MMP16: variants seen among roughly 807,000 people sequenced by gnomAD.
MMP16 encodes the protein matrix metalloproteinase-16.
Under a neutral mutation model 67.8 loss-of-function variants are expected in MMP16, and 12 were observed. That is an observed-to-expected ratio of 0.18 (90% CI 0.11 to 0.29). The LOEUF is 0.29. Among genes scored for constraint, MMP16 ranks in the 10% least tolerant of loss-of-function variants. The pLI is 1.00. For missense variants in MMP16, 475 were observed against 765.7 expected (o/e 0.62, Z 4.48); for synonymous variants, 249 against 255.9 (o/e 0.97, Z 0.26).
intron 6 of MMP16, among the ~76,000 whole-genome samples, chr8:88,103,347 A>G (rs1809176867): frequency 6.6e-6 from 1 of 151,852 alleles, no homozygotes; most frequent in South Asian, 2.1e-4. Flanking sequence ...GGAAAGAATA[A>G]GAGTGGCTTG....
intron 1 of MMP16, among the ~76,000 whole-genome samples, chr8:88,229,125 A>T (rs1289014701): frequency 1.3e-4 from 20 of 152,088 alleles, no homozygotes; most frequent in Admixed American, 1.3e-3. Context: ...ATATGGTTAC[A>T]ATGATGGAAA....
intron 6 of MMP16, among the ~76,000 whole-genome samples, chr8:88,086,993 C>CA (rs1808844796): frequency 6.6e-6 from 1 of 151,740 alleles, no homozygotes; most frequent in South Asian, 2.1e-4. Context: ...GAGAGATCAG[C>CA]AAATCTTTTG....
At chr8:88,088,171 T>C (rs1037644940) in intron 6 of MMP16, among the ~76,000 whole-genome samples, 3 of 147,744 alleles carry the variant, frequency 2.0e-5, no homozygotes, top group African/African-American at 7.7e-5. Flanking sequence ...CAGCTGAGCC[T>C]TCCCTGTATT....
intron 3 of MMP16, chr8:88,186,194 T>C (rs1416342711): frequency 3.7e-6 from 1 of 269,332 alleles, no homozygotes; most frequent in Non-Finnish European, 6.9e-6. Flanking sequence ...TGTCAAAGCA[T>C]GTAATATGTT....
chr8:88,241,018 T>G (rs1394084732), intron 1 of MMP16, among the ~76,000 whole-genome samples: 2 of 152,086 alleles, frequency 1.3e-5, no homozygotes, highest in Non-Finnish European at 2.9e-5. Context: ...AACTTGGGTG[T>G]TGAACTCGTG....
chr8:88,063,482 C>CTTTT (rs147148394), intron 7 of MMP16, among the ~76,000 whole-genome samples: 1 of 136,788 alleles, frequency 7.3e-6, no homozygotes, highest in Non-Finnish European at 1.6e-5. Flanking sequence ...ACCTAATAAC[C>CTTTT]TTTTTTTTTT....
intron 6 of MMP16, among the ~76,000 whole-genome samples, chr8:88,081,928 T>C (rs1397027604): frequency 2.6e-5 from 4 of 152,094 alleles, no homozygotes; most frequent in African/African-American, 9.7e-5. Flanking sequence ...CCATATTATA[T>C]AAAAACATTG....
intron 1 of MMP16, among the ~76,000 whole-genome samples, chr8:88,268,936 T>G (rs865939773): frequency 6.6e-6 from 1 of 152,150 alleles, no homozygotes; most frequent in Non-Finnish European, 1.5e-5. Flanking sequence ...CTTTGATACA[T>G]CCCCTATACA....
At chr8:88,072,034 A>G (rs906719841) in intron 7 of MMP16, among the ~76,000 whole-genome samples, 2 of 152,102 alleles carry the variant, frequency 1.3e-5, no homozygotes, top group African/African-American at 4.8e-5. Flanking sequence ...AACAATTAAA[A>G]TATATGGTTT....
chr8:88,190,780 A>G (rs1401863), intron 2 of MMP16, among the ~76,000 whole-genome samples: 152,078 of 152,224 alleles, frequency 1, 75,966 homozygotes, highest in Middle Eastern at 1. Context: ...AAATCTAGTC[A>G]CCACCTTTTT....
chr8:88,295,187 T>C (rs921824379), intron 1 of MMP16, among the ~76,000 whole-genome samples: 8 of 152,206 alleles, frequency 5.3e-5, no homozygotes, highest in African/African-American at 1.7e-4. Flanking sequence ...CAAATATGAC[T>C]AGTAGTTAAC....
At chr8:88,145,297 C>T (rs1476691377) in intron 4 of MMP16, among the ~76,000 whole-genome samples, 1 of 151,594 alleles carries the variant, frequency 6.6e-6, no homozygotes, top group African/African-American at 2.4e-5. Context: ...AACTGTAACA[C>T]AATTATAAAT....
At chr8:88,268,502 A>G (rs906175783) in intron 1 of MMP16, among the ~76,000 whole-genome samples, 1 of 152,184 alleles carries the variant, frequency 6.6e-6, no homozygotes, top group Non-Finnish European at 1.5e-5. Flanking sequence ...CTTTTTTCCC[A>G]GACAGTTCTT....
intron 4 of MMP16, among the ~76,000 whole-genome samples, chr8:88,155,925 T>A (rs1808501821): frequency 6.6e-6 from 1 of 152,148 alleles, no homozygotes; most frequent in South Asian, 2.1e-4. Flanking sequence ...ATTCTGTTAT[T>A]ACGACTACCT....
intron 1 of MMP16, among the ~76,000 whole-genome samples, chr8:88,222,734 T>G (rs1428324284): frequency 6.6e-6 from 1 of 152,010 alleles, no homozygotes; most frequent in African/African-American, 2.4e-5. Context: ...GCTAAAACCA[T>G]AAAAACCCTA....
chr8:88,059,479 T>G (rs1357175760), intron 7 of MMP16, among the ~76,000 whole-genome samples: 1 of 152,150 alleles, frequency 6.6e-6, no homozygotes, highest in African/African-American at 2.4e-5. Flanking sequence ...TTTGAACTCA[T>G]CTGAATACCT....
At chr8:88,284,643 A>G (rs934148554) in intron 1 of MMP16, among the ~76,000 whole-genome samples, 2 of 152,090 alleles carry the variant, frequency 1.3e-5, no homozygotes, top group Non-Finnish European at 2.9e-5. Context: ...ATGACAGACA[A>G]TGGAGATGGC....
chr8:88,132,196 A>T (rs981515629), intron 4 of MMP16, among the ~76,000 whole-genome samples: 1 of 151,902 alleles, frequency 6.6e-6, no homozygotes, highest in Non-Finnish European at 1.5e-5. Context: ...AAAAATAAAG[A>T]TTGTGTATAT....
intron 7 of MMP16, among the ~76,000 whole-genome samples, chr8:88,057,796 A>G (rs558722910): frequency 6.6e-6 from 1 of 152,262 alleles, no homozygotes; most frequent in Admixed American, 6.6e-5. Flanking sequence ...AACAACATTT[A>G]TTGAGTATCT....
Sources: gnomAD v4.1 joint callset for allele counts (sites outside exome capture counted in the v4.1 genomes callset) on GRCh38, gnomAD v4.1.1 for gene constraint, MANE v1.5 for transcripts, NCBI Gene and HGNC (gene_info 2026-07-23, HGNC 2026-07-21) for gene names.